SOX30: variants seen among roughly 807,000 people sequenced by gnomAD.
SOX30 encodes the protein transcription factor SOX-30.
A neutral mutation model predicts 58.6 loss-of-function variants in SOX30; 17 were observed. The ratio of observed to expected loss-of-function variants is 0.29; its 90% CI spans 0.20 to 0.44. The LOEUF is 0.44. Ranked by LOEUF, SOX30 falls within the 20% of genes least tolerant of loss-of-function variation. The pLI is 1.00. For missense variants in SOX30, 951 were observed against 965.8 expected (o/e 0.98, Z 0.20); for synonymous variants, 421 against 400.2 (o/e 1.05, Z -0.62).
chr5:157,642,422 A>G (rs1759088402), intron 3 of SOX30, among the ~76,000 whole-genome samples: 1 of 152,128 alleles, frequency 6.6e-6, no homozygotes, highest in Non-Finnish European at 1.5e-5. Context: ...AGTAATCACA[A>G]CATATTTAAA....
intron 3 of SOX30, among the ~76,000 whole-genome samples, chr5:157,638,985 C>T (rs572245462): frequency 1.2e-4 from 19 of 152,284 alleles, no homozygotes; most frequent in South Asian, 6.2e-4. Context: ...TTTTCTGTTT[C>T]GTTTGCTGCT....
At chr5:157,631,047 T>TTA (rs755427047) in intron 4 of SOX30, among the ~76,000 whole-genome samples, 4,695 of 53,084 alleles carry the variant, frequency 0.088, 134 homozygotes, top group East Asian at 0.34. Context: ...TATATATATT[T>TTA]TATATATATA....
intron 4 of SOX30, among the ~76,000 whole-genome samples, chr5:157,634,719 T>C (rs1328419905): frequency 6.6e-6 from 1 of 152,034 alleles, no homozygotes; most frequent in East Asian, 1.9e-4. Context: ...GTGATCTTGG[T>C]TCACTGCAAC....
At chr5:157,638,929 G>A (rs1581393512) in intron 3 of SOX30, among the ~76,000 whole-genome samples, 1 of 151,648 alleles carries the variant, frequency 6.6e-6, no homozygotes, top group Admixed American at 6.6e-5. Flanking sequence ...TACATTTTTT[G>A]TCTCTCTCTC....
At chr5:157,628,491 TA>T in intron 4 of SOX30, among the ~76,000 whole-genome samples, 1 of 151,930 alleles carries the variant, frequency 6.6e-6, no homozygotes, top group East Asian at 1.9e-4. Context: ...AACTATGCCC[TA>T]CCCCCAAATC....
chr5:157,648,875 C>A lies in SOX30; in HGVS notation c.989G>T (p.Ser330Ile). 9 of 1,609,968 alleles carry A rather than the reference C, an allele frequency of 5.6e-6. No homozygotes were observed. The highest frequency in any genetic ancestry group is 7.6e-6 in the Non-Finnish European group (9 of 1,178,982). ...CTTCACATGACCATTTCTGTCCTTA[C>A]TGAAGGGAGTATCTGGTATGCCTAC... ...SDAGIPDTPFSKDRNGHVKRP... is the reference protein window; with the variant it reads ...SDAGIPDTPFIKDRNGHVKRP... The change falls in exon 2 of 5, where the codon AGT becomes ATT. Residue 330 changes from serine to isoleucine, a missense_variant. Ser to Ile is a moderately radical substitution (Grantham distance 142). Transcript: ENST00000265007.
At chr5:157,631,162 C>A (rs1342021939) in intron 4 of SOX30, among the ~76,000 whole-genome samples, 1 of 149,298 alleles carries the variant, frequency 6.7e-6, no homozygotes, top group Non-Finnish European at 1.5e-5. Context: ...TAGCTCACTA[C>A]AGTCTCAAAT....
At chr5:157,656,544 G>A (rs181705384), upstream of SOX30, among the ~76,000 whole-genome samples, 229 of 152,328 alleles carry the variant, frequency 1.5e-3, no homozygotes, top group Non-Finnish European at 2.9e-3. Flanking sequence ...GACCTTATCT[G>A]CACTTCTGTC....
At position 157,626,480 on chromosome 5, in the gene SOX30, A is replaced by G; in HGVS notation, c.2122T>C (p.Leu708=). ...ATGTCCAGCTGAGGCACAGGGTTTA[A>G]GTTTTCTTCCCCACTGTGGCTATGA... ...NSHSHSGEEN[L]NPVPQLDIGT... is the part of the protein sequence containing the mutation. The change falls in exon 5 of 5, where the codon TTA becomes CTA. Residue 708 remains leucine, a synonymous_variant. Transcript: ENST00000265007. 4 of 1,614,184 alleles carry G rather than the reference A, an allele frequency of 2.5e-6. No homozygotes were observed. The highest frequency in any genetic ancestry group is 3.4e-6 in the Non-Finnish European group (4 of 1,180,044).
At chr5:157,666,328 T>C (rs1032368537) in intron 2 of SOX30, among the ~76,000 whole-genome samples, 2 of 151,556 alleles carry the variant, frequency 1.3e-5, no homozygotes, top group African/African-American at 2.4e-5. Flanking sequence ...GCCTGGCTAA[T>C]TTTTGTATTT....
At chr5:157,656,746 T>C (rs1461798023), upstream of SOX30, among the ~76,000 whole-genome samples, 1 of 152,234 alleles carries the variant, frequency 6.6e-6, no homozygotes, top group African/African-American at 2.4e-5. Context: ...CATGAGAATG[T>C]AAATTTTCTT....
At chr5:157,636,747 A>G (rs1758936243) in intron 4 of SOX30, among the ~76,000 whole-genome samples, 1 of 152,220 alleles carries the variant, frequency 6.6e-6, no homozygotes, top group Non-Finnish European at 1.5e-5. Flanking sequence ...TTGCTAAGTA[A>G]GAAACAATAA....
Position 157,626,277 on chromosome 5 carries a change from A to C in SOX30, c.*63T>G, listed in dbSNP as rs546472916. On this transcript the variant is annotated 3_prime_UTR_variant, in exon 5 of 5. Coordinates refer to ENST00000265007, the MANE Select transcript of SOX30 (RefSeq NM_178424.2). ...AGAATTCTAGGCTTTTTTTTTTCTC[A>C]TACCAACTGACCCAGAATATATTTT... The C allele has an allele frequency of 2.9e-6, 4 of 1,386,742 alleles. No homozygotes were observed. In the African/African-American group the frequency reaches 5.8e-5, roughly 20 times the overall value. 85.9% of individuals were successfully genotyped at this position (1,386,742 alleles called of 1,614,324 possible).
chr5:157,645,299 G>C (rs1037727848), intron 3 of SOX30, among the ~76,000 whole-genome samples: 1 of 152,106 alleles, frequency 6.6e-6, no homozygotes, highest in Non-Finnish European at 1.5e-5. Flanking sequence ...CATATGGGTG[G>C]CTTTATTACC....
chr5:157,643,417 C>T (rs1297461417), intron 3 of SOX30, among the ~76,000 whole-genome samples: 1 of 151,866 alleles, frequency 6.6e-6, no homozygotes, highest in Non-Finnish European at 1.5e-5. Context: ...GAGACTTTGT[C>T]TCAAAAATAT....
chr5:157,649,120 A>G (rs1759265845), intron 1 of SOX30, among the ~76,000 whole-genome samples: 1 of 152,094 alleles, frequency 6.6e-6, no homozygotes, highest in Non-Finnish European at 1.5e-5. Context: ...CTCAAAGAGG[A>G]TAATATTGTT....
In SOX30 at chr5:157,648,229, G is replaced by C. The variant is rs1759244064; in HGVS notation, c.1207+428C>G. The stretch of plus-strand genomic sequence containing the variant: ...CAATCAGAAGGCAGGACTATGTTCT[G>C]ACAATCATATGTTAAAATGGAATAT... On this transcript the variant is annotated intron_variant, in intron 2 of 4. Transcript: ENST00000265007. Among the ~76,000 whole-genome samples the C allele has an allele frequency of 2.0e-5, 3 of 152,132 alleles. No individual in the cohort carries two copies. In the South Asian group the frequency reaches 6.2e-4, roughly 31 times the overall value.
chr5:157,659,270 G>C (rs1759534145), intron 2 of SOX30, among the ~76,000 whole-genome samples: 1 of 152,158 alleles, frequency 6.6e-6, no homozygotes, highest in Non-Finnish European at 1.5e-5. Flanking sequence ...TTCTGGACCT[G>C]GACCCCTTTC....
chr5:157,626,661 T>C lies in SOX30; in HGVS notation c.1941A>G (p.Glu647=), dbSNP rs1391251413. ...ACCTGTCTTCATAATAACTAAGGCA[T>C]TCTGGCATTGAACTCGGAAAATTTC... ...GYGNFPSSMP[E]CLSYYEDRYP... The change falls in exon 5 of 5, where the codon GAA becomes GAG. Residue 647 remains glutamate, a synonymous_variant. Transcript: ENST00000265007. 6.2e-7 allele frequency: 1 copy of C among 1,613,790 alleles called. No homozygotes were observed. Among genetic ancestry groups the C allele is most frequent in the Non-Finnish European group, 8.5e-7 (1 of 1,179,938 alleles).
Sources: allele counts gnomAD v4.1 joint callset (sites outside exome capture counted in the v4.1 genomes callset), GRCh38; gene constraint gnomAD v4.1.1; transcripts MANE v1.5; gene names NCBI Gene and HGNC (gene_info 2026-07-23, HGNC 2026-07-21).